Variants in NPAS2 observed in about 807,000 individuals in gnomAD.
NPAS2 encodes the protein neuronal PAS domain protein 2.
In NPAS2, 23 loss-of-function variants were observed where a neutral mutation model predicts 107.5. The ratio of observed to expected loss-of-function variants is 0.21; its 90% CI spans 0.15 to 0.30. The LOEUF (loss-of-function observed/expected upper bound fraction) is 0.30. NPAS2 is among the 10% of genes least tolerant of loss of function. The pLI is 1.00. For synonymous variants in NPAS2, 403 were observed against 417.5 expected, an observed-to-expected ratio of 0.97 and a Z score of 0.42; for missense variants, 756 against 1,043.3, an observed-to-expected ratio of 0.72 and a Z score of 3.79.
Position 100,968,193 on chromosome 2 carries a change from TGAAAG to T in NPAS2, c.908-87_908-83del. 7.0e-7 allele frequency: 1 copy of T among 1,422,448 alleles called. No individual in the cohort carries two copies. The highest frequency in any genetic ancestry group is 1.9e-5 in the Admixed American group (1 of 53,258). 88.1% of individuals were successfully genotyped at this position (1,422,448 alleles called of 1,614,324 possible). ...CCATGTTTGGTATTGTCTTTTTTTTTGAAAGCTTATCTTTACAATAACTCTTGGGG... is the reference window on the plus strand; with the variant it reads ...CCATGTTTGGTATTGTCTTTTTTTTTCTTATCTTTACAATAACTCTTGGGG... On this transcript the variant is annotated intron_variant, in intron 10 of 20. Transcript: ENST00000335681. The surrounding 1 kb of genome is among the most constrained non-coding windows in gnomAD (Gnocchi z 5.3).
Position 100,968,560 on chromosome 2 carries a change from A to G in NPAS2, c.1055+132A>G. The G allele has an allele frequency of 2.4e-6, 2 of 833,184 alleles. No homozygotes were observed. Among genetic ancestry groups the G allele is most frequent in the South Asian group, 1.7e-5 (1 of 57,404 alleles). 51.6% of individuals were successfully genotyped at this position (833,184 alleles called of 1,614,324 possible). On this transcript the variant is annotated intron_variant, in intron 11 of 20. Transcript: ENST00000335681. The surrounding 1 kb of genome is among the most constrained non-coding windows in gnomAD (Gnocchi z 5.3). ...GTTCCCCATTTCGAAGATGAAGCCC[A>G]GGCCATCCCCTGCCGTTAACAGCAC... is the stretch of plus-strand genomic sequence containing the variant.
At position 100,850,953 on chromosome 2, in the gene NPAS2, C is replaced by CAAAAAAAAAAA. The variant is rs148858541; in HGVS notation, c.-23+30556_-23+30566dup. Among the ~76,000 whole-genome samples, 10 of 41,866 alleles carry CAAAAAAAAAAA rather than the reference C, an allele frequency of 2.4e-4. 1 individual carries two copies. The highest frequency in any genetic ancestry group is 9.0e-4 in the African/African-American group (9 of 10,046). 27.5% of individuals were successfully genotyped at this position (41,866 alleles called of 152,430 possible). A position where few individuals can be genotyped will look rare whatever the true frequency, so the allele number is the denominator to read the frequency against. ...GGGCAACAAGAGTGAAACTCTGTCT[C>CAAAAAAAAAAA]AAAAAAAAAAAAAAAAAAAAAAAAA... On this transcript the variant is annotated intron_variant, in intron 1 of 20. Transcript: ENST00000335681.
intron 1 of NPAS2, among the ~76,000 whole-genome samples, chr2:100,850,059 A>C (rs1006385187): frequency 3.3e-5 from 5 of 149,920 alleles, no homozygotes; most frequent in African/African-American, 1.2e-4. Context: ...TAGAAAAAAA[A>C]ATTTGTGAAA....
chr2:100,919,326 T>G (rs904738909), intron 2 of NPAS2, among the ~76,000 whole-genome samples: 3 of 152,130 alleles, frequency 2.0e-5, no homozygotes, highest in Non-Finnish European at 1.5e-5. Flanking sequence ...TATAGAACCG[T>G]GTCCCCGAAG....
At chr2:100,821,385 G>A (rs1676060493) in intron 1 of NPAS2, among the ~76,000 whole-genome samples, 1 of 151,988 alleles carries the variant, frequency 6.6e-6, no homozygotes, top group Non-Finnish European at 1.5e-5. Flanking sequence ...GTTCAGGAGG[G>A]TCCCGGAGAG....
At chr2:100,994,504 C>T (rs959215778) in intron 20 of NPAS2, 10 of 152,386 alleles carry the variant, frequency 6.6e-5, no homozygotes, top group South Asian at 6.2e-4. Context: ...CTGTTGCAGA[C>T]AAGATGCAGG....
chr2:100,931,007 C>A (rs1683908744), intron 3 of NPAS2, among the ~76,000 whole-genome samples: 1 of 152,178 alleles, frequency 6.6e-6, no homozygotes, highest in Non-Finnish European at 1.5e-5. Context: ...TCTAAGTGGT[C>A]GAACTGTGGC....
chr2:100,892,043 A>G (rs1469239205), intron 1 of NPAS2, among the ~76,000 whole-genome samples: 1 of 152,080 alleles, frequency 6.6e-6, no homozygotes. Flanking sequence ...TATTGTCCAC[A>G]CCCTGACCAC....
chr2:100,977,609 C>T, intron 14 of NPAS2, 101 bp from the exon 15 acceptor site: 1 of 958,460 alleles, frequency 1.0e-6, no homozygotes. Flanking sequence ...GAGCTGTTCA[C>T]CCCAGTGCGG....
rs1676158083 is a variant in NPAS2 at position 100,965,431 on chromosome 2, T to G, written c.801-229T>G. The stretch of plus-strand genomic sequence containing the variant: ...CCAGTAGTGATAAAGCTTATTGTTA[T>G]TTGGGCCAAGTTATGCCAAGGGAAA... On this transcript the variant is annotated intron_variant, in intron 9 of 20. Transcript: ENST00000335681. This position sits in a 1 kb window ranked among gnomAD's most constrained non-coding sequence, Gnocchi z 4.3. Among the ~76,000 whole-genome samples, 2 of 151,694 alleles carry G rather than the reference T, an allele frequency of 1.3e-5. No homozygotes were observed. The highest frequency in any genetic ancestry group is 2.9e-5 in the Non-Finnish European group (2 of 67,994).
intron 2 of NPAS2, among the ~76,000 whole-genome samples, chr2:100,917,567 T>G (rs2104846722): frequency 1.3e-5 from 2 of 152,126 alleles, no homozygotes; most frequent in Admixed American, 1.3e-4. Context: ...ATAAAATTGG[T>G]AAGTCTATCA....
chr2:100,982,887 G>A (rs1266191008), intron 16 of NPAS2: 1 of 153,052 alleles, frequency 6.5e-6, no homozygotes, highest in African/African-American at 2.4e-5. Context: ...CCCCATTTGT[G>A]GTGTGCCAGC....
chr2:100,876,053 G>C (rs1224857735), intron 1 of NPAS2, among the ~76,000 whole-genome samples: 1 of 152,136 alleles, frequency 6.6e-6, no homozygotes, highest in African/African-American at 2.4e-5. Context: ...CGAATTATTT[G>C]CTTTTCTCTA....
intron 7 of NPAS2, among the ~76,000 whole-genome samples, chr2:100,952,410 C>A (rs1267272408): frequency 1.3e-5 from 2 of 150,972 alleles, no homozygotes; most frequent in African/African-American, 2.4e-5. Flanking sequence ...ACTAAAAATA[C>A]AAAATTAGCC....
intron 1 of NPAS2, among the ~76,000 whole-genome samples, chr2:100,873,563 T>C (rs999697437): frequency 1.3e-5 from 2 of 151,896 alleles, no homozygotes; most frequent in Admixed American, 1.3e-4. Flanking sequence ...ACCCCCAAAG[T>C]ATATGCCAAC....
intron 2 of NPAS2, among the ~76,000 whole-genome samples, chr2:100,907,780 G>T (rs925513401): frequency 1.3e-5 from 2 of 152,156 alleles, no homozygotes; most frequent in African/African-American, 4.8e-5. Context: ...CAAGGGCACG[G>T]TTCCACTTTC....
At chr2:100,960,361 G>A (rs944822487) in intron 7 of NPAS2, among the ~76,000 whole-genome samples, 8 of 151,884 alleles carry the variant, frequency 5.3e-5, no homozygotes, top group Non-Finnish European at 1.0e-4. Flanking sequence ...TCAGGAGTTC[G>A]AGACCAGCCT....
chr2:100,980,483 T>A (rs1261304707), intron 15 of NPAS2, among the ~76,000 whole-genome samples: 1 of 152,116 alleles, frequency 6.6e-6, no homozygotes, highest in East Asian at 1.9e-4. Context: ...ATATATATAT[T>A]TTTTGAGACG....
At chr2:100,956,029 C>T (rs564968303) in intron 7 of NPAS2, among the ~76,000 whole-genome samples, 202 of 152,182 alleles carry the variant, frequency 1.3e-3, no homozygotes, top group African/African-American at 4.5e-3. Context: ...CTCAGCCTCC[C>T]GGGTAGCTGG....
Sources: gnomAD v4.1 joint callset for allele counts (sites outside exome capture counted in the v4.1 genomes callset) on GRCh38, gnomAD v4.1.1 for gene constraint, Gnocchi (gnomAD v3.1) non-coding constraint, MANE v1.5 for transcripts, NCBI Gene and HGNC (gene_info 2026-07-23, HGNC 2026-07-21) for gene names.